CEP63: variants seen among roughly 807,000 people sequenced by gnomAD.
The protein encoded by CEP63 is centrosomal protein 63.
CEP63 carries 84 observed loss-of-function variants against 89.1 expected under a neutral mutation model. That is an observed-to-expected ratio of 0.94 (90% CI 0.79 to 1.13). The LOEUF (loss-of-function observed/expected upper bound fraction) is 1.13. CEP63 is among the 50% of genes most tolerant of loss of function. The pLI, the probability that CEP63 is intolerant of heterozygous loss-of-function variation, is 0.00. For missense variants in CEP63, 838 were observed against 813.3 expected, an observed-to-expected ratio of 1.03 and a Z score of -0.37; for synonymous variants, 267 against 272.5, an observed-to-expected ratio of 0.98 and a Z score of 0.20.
At chr3:134,642,403 A>T in the CEP63 span, among the ~76,000 whole-genome samples, 1 of 152,206 alleles carries the variant, frequency 6.6e-6, no homozygotes, top group Non-Finnish European at 1.5e-5. Context: ...GAATACTCAG[A>T]CACCAGGGCC....
the CEP63 span, among the ~76,000 whole-genome samples, chr3:134,671,051 T>C: frequency 6.6e-6 from 1 of 152,182 alleles, no homozygotes; most frequent in Non-Finnish European, 1.5e-5. Context: ...GAATAGTGTT[T>C]CCTCTGGGGC....
At chr3:134,709,258 C>T in the CEP63 span, among the ~76,000 whole-genome samples, 2 of 152,056 alleles carry the variant, frequency 1.3e-5, no homozygotes, top group African/African-American at 4.8e-5. Context: ...TGCTCTAGTC[C>T]CAGTTTGGCA....
the CEP63 span, among the ~76,000 whole-genome samples, chr3:134,717,419 T>C: frequency 3.6e-3 from 551 of 152,278 alleles, 5 homozygotes; most frequent in African/African-American, 0.012. Flanking sequence ...ACACACCACT[T>C]TCTTAAGTTA....
the CEP63 span, chr3:134,780,536 G>T: frequency 6.6e-6 from 1 of 152,196 alleles, no homozygotes; most frequent in Admixed American, 6.5e-5. Flanking sequence ...TAAAAATATG[G>T]AGTGCTTCAC....
chr3:134,686,458 C>G, the CEP63 span, among the ~76,000 whole-genome samples: 1 of 152,346 alleles, frequency 6.6e-6, no homozygotes, highest in Non-Finnish European at 1.5e-5. Context: ...GGCTGAGGTA[C>G]TGGCCAAGAG....
chr3:134,648,274 C>T, the CEP63 span, among the ~76,000 whole-genome samples: 2 of 152,284 alleles, frequency 1.3e-5, no homozygotes, highest in African/African-American at 2.4e-5. Flanking sequence ...GGAAGCTCAG[C>T]CTTGAGTCTT....
At chr3:134,524,992 C>T (rs940521756) in intron 3 of CEP63, among the ~76,000 whole-genome samples, 1 of 152,164 alleles carries the variant, frequency 6.6e-6, no homozygotes, top group Non-Finnish European at 1.5e-5. Flanking sequence ...TAGAATTCAG[C>T]TGTGAATCCA....
chr3:134,531,155 T>C (rs1230363670), intron 3 of CEP63, among the ~76,000 whole-genome samples: 1 of 152,234 alleles, frequency 6.6e-6, no homozygotes, highest in African/African-American at 2.4e-5. Flanking sequence ...CTGTACTTTA[T>C]TGTAGAGAAA....
At chr3:134,571,018 A>G (rs13081177) in intron 11 of CEP63, among the ~76,000 whole-genome samples, 48,023 of 152,218 alleles carry the variant, frequency 0.32, 7,843 homozygotes, top group African/African-American at 0.35. Context: ...GAACAGCACA[A>G]GAAAGACCTG....
In CEP63 at chr3:134,584,956, G is replaced by GTTTTTTTTTTTTTTTTTTTTTTTTTTT. The variant is rs780691730; in HGVS notation, c.1207-2484_1207-2483insTTTTTTTTTTTTTTTTTTTTTTTTTTT. Among the ~76,000 whole-genome samples the GTTTTTTTTTTTTTTTTTTTTTTTTTTT allele has an allele frequency of 1.4e-3, 49 of 35,986 alleles. 7 individuals are homozygous for GTTTTTTTTTTTTTTTTTTTTTTTTTTT. Among genetic ancestry groups the GTTTTTTTTTTTTTTTTTTTTTTTTTTT allele is most frequent in the South Asian group, 2.7e-3 (2 of 748 alleles). 23.6% of individuals were successfully genotyped at this position (35,986 alleles called of 152,430 possible). A position where few individuals can be genotyped will look rare whatever the true frequency, so the allele number is the denominator to read the frequency against. ...ATCCATTTCTTCTAGATTTTCTAGG[G>GTTTTTTTTTTTTTTTTTTTTTTTTTTT]TTTTTTTTTTTTTTTTTTGCATGGA... is the stretch of plus-strand genomic sequence containing the variant. On this transcript the variant is annotated intron_variant, in intron 10 of 10. Transcript: ENST00000683931.
Position 134,559,284 on chromosome 3 carries a change from T to A in CEP63, c.1808T>A (p.Ile603Asn), listed in dbSNP as rs570903775. Reference sequence around the variant, plus strand: ...GTGCTAAGCCCCCTGAGTCCTCAAATCAGCCCTTGCAGCTCCACCAGGTCT... The same window carrying A: ...GTGCTAAGCCCCCTGAGTCCTCAAAACAGCCCTTGCAGCTCCACCAGGTCT... ...SRVLSPLSPQ[I>N]SPCSSTRSLT... The change falls in exon 14 of 15, where the codon ATC (isoleucine) becomes AAC (asparagine). Residue 603 changes from isoleucine to asparagine, a missense_variant. Physicochemically the swap from Ile to Asn is moderately radical, Grantham distance 149. Transcript: ENST00000675561. The A allele has an allele frequency of 1.2e-6, 2 of 1,614,160 alleles. No individual in the cohort carries two copies. Among genetic ancestry groups the A allele is most frequent in the Non-Finnish European group, 1.7e-6 (2 of 1,180,018 alleles).
chr3:134,729,465 G>GC, the CEP63 span, among the ~76,000 whole-genome samples: 282 of 152,278 alleles, frequency 1.9e-3, 3 homozygotes, highest in African/African-American at 6.4e-3. Flanking sequence ...TCCACTGCAT[G>GC]CGAGTGTTGT....
chr3:134,606,506 C>A, the CEP63 span, among the ~76,000 whole-genome samples: 1 of 152,344 alleles, frequency 6.6e-6, no homozygotes, highest in African/African-American at 2.4e-5. Flanking sequence ...CCCACCCGGA[C>A]CCCTCAGCTG....
the CEP63 span, among the ~76,000 whole-genome samples, chr3:134,714,810 C>T: frequency 6.6e-6 from 1 of 152,222 alleles, no homozygotes; most frequent in Non-Finnish European, 1.5e-5. Context: ...ATTCAATCAG[C>T]CACAGTACAT....
intron 14 of CEP63, among the ~76,000 whole-genome samples, chr3:134,560,014 G>A (rs988508975): frequency 1.3e-5 from 2 of 152,142 alleles, no homozygotes; most frequent in Non-Finnish European, 2.9e-5. Flanking sequence ...CACCAGCTGT[G>A]GCCATATAGA....
At chr3:134,591,615 G>A (rs9853860), downstream of CEP63, among the ~76,000 whole-genome samples, 96,379 of 151,596 alleles carry the variant, frequency 0.64, 31,313 homozygotes, top group East Asian at 0.81. Flanking sequence ...CAGCACTTTG[G>A]GAGGCCGAGG....
chr3:134,512,472 A>G (rs910755784), intron 3 of CEP63, among the ~76,000 whole-genome samples: 1 of 152,232 alleles, frequency 6.6e-6, no homozygotes, highest in Non-Finnish European at 1.5e-5. Context: ...CATCATTATT[A>G]GCATTTAATG....
chr3:134,636,414 TG>T, the CEP63 span, among the ~76,000 whole-genome samples: 4 of 152,334 alleles, frequency 2.6e-5, no homozygotes, highest in South Asian at 8.3e-4. Flanking sequence ...CCAGAAGTGA[TG>T]TTGCACAAAT....
the CEP63 span, among the ~76,000 whole-genome samples, chr3:134,781,724 G>A: frequency 1.3e-5 from 2 of 152,228 alleles, no homozygotes; most frequent in African/African-American, 4.8e-5. Context: ...GAAAGCAACA[G>A]ATTTTTATAT....
Sources: allele counts gnomAD v4.1 joint callset (sites outside exome capture counted in the v4.1 genomes callset), GRCh38; gene constraint gnomAD v4.1.1; transcripts MANE v1.5; gene names NCBI Gene and HGNC (gene_info 2026-07-23, HGNC 2026-07-21).